Variants in USP50 observed in about 807,000 individuals in gnomAD.
The protein encoded by USP50 is ubiquitin carboxyl-terminal hydrolase 50.
USP50 carries 37 observed loss-of-function variants against 39.2 expected under a neutral mutation model. That is an observed-to-expected ratio of 0.94 (90% CI 0.73 to 1.24). USP50 has a LOEUF of 1.24. Among genes scored for constraint, USP50 ranks in the 50% most tolerant of loss-of-function variants. The probability of loss-of-function intolerance (pLI) is 0.00; values close to 1 mark genes in which losing one functional copy is unlikely to be tolerated. For missense variants in USP50, 374 were observed against 398.2 expected (o/e 0.94, Z 0.52); for synonymous variants, 139 against 144.5 (o/e 0.96, Z 0.27).
chr15:50,527,432 C>T (rs930798792), intron 6 of USP50, among the ~76,000 whole-genome samples: 4 of 151,894 alleles, frequency 2.6e-5, no homozygotes, highest in African/African-American at 7.3e-5. Flanking sequence ...TGGTCTCAAT[C>T]TCCTGACCTC....
Position 50,544,774 on chromosome 15 carries a change from A to G in USP50, c.61T>C (p.Cys21Arg), listed in dbSNP as rs2053058932. 6.2e-7 allele frequency: 1 copy of G among 1,613,802 alleles called. No homozygotes were observed. The highest frequency in any genetic ancestry group is 8.5e-7 in the Non-Finnish European group (1 of 1,179,782). The change falls in exon 2 of 7, where the codon TGC (cysteine) becomes CGC (arginine). Residue 21 changes from cysteine to arginine, a missense_variant. By Grantham distance (180) the Cys-to-Arg change is radical. Transcript: ENST00000532404. The part of the protein sequence containing the change: ...DFDIYHVLAE[C>R]TDYYDTLPVK... ...GGAAGGGTATCATAGTAATCTGTGC[A>G]CTCTGCACTGTGTTGGTGCCACATG...
intron 2 of USP50, among the ~76,000 whole-genome samples, chr15:50,544,196 C>T (rs2053052840): frequency 6.6e-6 from 1 of 151,306 alleles, no homozygotes; most frequent in African/African-American, 2.4e-5. Context: ...CAAAAAATTA[C>T]AAAAATACAA....
At chr15:50,495,491 G>C (rs993973777) in intron 1 of USP50, among the ~76,000 whole-genome samples, 1 of 148,790 alleles carries the variant, frequency 6.7e-6, no homozygotes, top group Non-Finnish European at 1.5e-5. Flanking sequence ...ATTGGAGGGG[G>C]GGGTCTCACT....
At chr15:50,516,226 CT>C (rs2052802523) in intron 6 of USP50, among the ~76,000 whole-genome samples, 1 of 152,106 alleles carries the variant, frequency 6.6e-6, no homozygotes, top group South Asian at 2.1e-4. Flanking sequence ...GAAACAAAGG[CT>C]CTACAAAATA....
At chr15:50,541,014 G>C in intron 4 of USP50, 35 bp downstream of exon 4, 3 of 1,534,930 alleles carry the variant, frequency 2.0e-6, no homozygotes, top group Non-Finnish European at 2.7e-6. Context: ...TGAGAGTATA[G>C]CGAGACAAAG....
At chr15:50,510,002 C>A (rs1156751812) in intron 6 of USP50, 4 of 151,944 alleles carry the variant, frequency 2.6e-5, no homozygotes, top group Non-Finnish European at 5.9e-5. Flanking sequence ...AAAGCTATAG[C>A]TATAATTAAT....
intron 6 of USP50, among the ~76,000 whole-genome samples, chr15:50,520,445 G>A (rs1596011505): frequency 6.6e-6 from 1 of 151,834 alleles, no homozygotes; most frequent in Admixed American, 6.6e-5. Context: ...GGGACTACAG[G>A]CACATGCCAC....
intron 6 of USP50, among the ~76,000 whole-genome samples, chr15:50,517,627 TAAATC>T (rs1488947966): frequency 2.0e-5 from 3 of 152,034 alleles, no homozygotes; most frequent in Non-Finnish European, 2.9e-5. Flanking sequence ...GGTCCAAAAA[TAAATC>T]AAAAAGGAAA....
At chr15:50,514,592 C>T (rs550575290) in intron 6 of USP50, among the ~76,000 whole-genome samples, 13 of 152,178 alleles carry the variant, frequency 8.5e-5, no homozygotes, top group Non-Finnish European at 1.0e-4. Flanking sequence ...AGTGCAGCGG[C>T]GCGATCTCGG....
intron 5 of USP50, among the ~76,000 whole-genome samples, chr15:50,535,306 A>G (rs2052971515): frequency 6.6e-6 from 1 of 152,236 alleles, no homozygotes; most frequent in Non-Finnish European, 1.5e-5. Context: ...CCATCTGTCC[A>G]TAGATGTAAT....
downstream of USP50, chr15:50,498,470 T>G (rs2052497917): frequency 7.6e-7 from 1 of 1,308,646 alleles, no homozygotes; most frequent in Admixed American, 2.9e-5. Context: ...CCTCTACTAC[T>G]AAAATTCCAA....
chr15:50,540,611 C>T (rs1432270407), intron 4 of USP50, among the ~76,000 whole-genome samples: 1 of 151,962 alleles, frequency 6.6e-6, no homozygotes, highest in Non-Finnish European at 1.5e-5. Context: ...CATGGACTTC[C>T]TCTTTCTTTT....
intron 5 of USP50, among the ~76,000 whole-genome samples, chr15:50,530,179 G>C (rs981933009): frequency 6.6e-6 from 1 of 152,160 alleles, no homozygotes; most frequent in East Asian, 1.9e-4. Context: ...CTACTCAGGA[G>C]GCTAAGGTAG....
intron 6 of USP50, chr15:50,510,750 G>A (rs1001530389): frequency 1.3e-5 from 2 of 151,914 alleles, no homozygotes; most frequent in African/African-American, 4.8e-5. Context: ...TAGCTGAAAT[G>A]TACACCAATG....
intron 6 of USP50, among the ~76,000 whole-genome samples, chr15:50,519,306 A>G (rs2052828975): frequency 6.6e-6 from 1 of 151,574 alleles, no homozygotes; most frequent in Non-Finnish European, 1.5e-5. Flanking sequence ...AGTACAATAC[A>G]ATAAAAAAAA....
chr15:50,528,968 T>G (rs1013565604), intron 6 of USP50, among the ~76,000 whole-genome samples: 2 of 152,176 alleles, frequency 1.3e-5, no homozygotes, highest in Non-Finnish European at 2.9e-5. Flanking sequence ...AACACCGTGA[T>G]CCAGAACAGA....
At chr15:50,539,997 A>G (rs1335856922) in intron 4 of USP50, among the ~76,000 whole-genome samples, 3 of 152,206 alleles carry the variant, frequency 2.0e-5, no homozygotes, top group Non-Finnish European at 4.4e-5. Flanking sequence ...CTTTCCAACA[A>G]TCTTTAGCAG....
At chr15:50,539,052 A>G (rs1279178452) in intron 4 of USP50, among the ~76,000 whole-genome samples, 2 of 152,030 alleles carry the variant, frequency 1.3e-5, no homozygotes, top group Non-Finnish European at 2.9e-5. Context: ...CTTTCTTGTT[A>G]CTGAGATGGA....
chr15:50,518,733 T>C (rs887124336), intron 6 of USP50, among the ~76,000 whole-genome samples: 14 of 151,794 alleles, frequency 9.2e-5, no homozygotes, highest in Admixed American at 3.3e-4. Context: ...AGAAAATGCT[T>C]CAGGATATTG....
Sources: gnomAD v4.1 joint callset for allele counts (sites outside exome capture counted in the v4.1 genomes callset) on GRCh38, gnomAD v4.1.1 for gene constraint, MANE v1.5 for transcripts, NCBI Gene and HGNC (gene_info 2026-07-23, HGNC 2026-07-21) for gene names.